PPP3CA: variants seen among roughly 807,000 people sequenced by gnomAD.
PPP3CA encodes the protein CAM-PRP catalytic subunit.
A neutral mutation model predicts 66.5 loss-of-function variants in PPP3CA; 14 were observed. The observed-to-expected ratio is 0.21, with a 90% CI of 0.14 to 0.33. The LOEUF (loss-of-function observed/expected upper bound fraction) is 0.33, where lower values mean the gene tolerates loss of function less well. Ranked by LOEUF, PPP3CA falls within the 10% of genes least tolerant of loss-of-function variation. The probability of loss-of-function intolerance (pLI) is 1.00; values close to 1 mark genes in which losing one functional copy is unlikely to be tolerated. For synonymous variants in PPP3CA, 232 were observed against 226.2 expected (o/e 1.03, Z -0.23); for missense variants, 317 against 639.5 (o/e 0.50, Z 5.44).
intron 2 of PPP3CA, among the ~76,000 whole-genome samples, chr4:101,131,237 A>AAAACAAATAAATAAAT (rs747123120): frequency 7.2e-6 from 1 of 138,672 alleles, no homozygotes; most frequent in African/African-American, 2.9e-5. Flanking sequence ...ACTCCGTCTC[A>AAAACAAATAAATAAAT]AAATAAATAA....
chr4:101,345,604 T>A (rs3789755), intron 1 of PPP3CA, among the ~76,000 whole-genome samples: 18,511 of 152,104 alleles, frequency 0.12, 3,665 homozygotes, highest in African/African-American at 0.41. Context: ...ATCCAAGTGG[T>A]TCTGCTCTGT....
intron 2 of PPP3CA, among the ~76,000 whole-genome samples, chr4:101,154,468 T>C (rs1300684198): frequency 1.3e-5 from 2 of 152,130 alleles, no homozygotes; most frequent in East Asian, 3.9e-4. Context: ...GTGGAAAGGG[T>C]GGGATAAAGA....
chr4:101,285,470 A>C lies in PPP3CA; in HGVS notation c.58+61269T>G, dbSNP rs1260096718. ...CTTGATACATGTTTTTGTACGGCTTAAAGAGTTCCCCCTTCTTATATCACA... is the reference window on the plus strand; with the variant it reads ...CTTGATACATGTTTTTGTACGGCTTCAAGAGTTCCCCCTTCTTATATCACA... On this transcript the variant is annotated intron_variant, in intron 1 of 13. Coordinates refer to ENST00000394854, the MANE Select transcript of PPP3CA (RefSeq NM_000944.5). 3.3e-5 allele frequency among the ~76,000 whole-genome samples: 5 copies of C among 152,302 alleles called. 1 individual carries two copies. Among genetic ancestry groups the C allele is most frequent in the Admixed American group, 3.3e-4 (5 of 15,300 alleles).
At chr4:101,233,476 C>A (rs966451206) in intron 1 of PPP3CA, among the ~76,000 whole-genome samples, 2 of 151,666 alleles carry the variant, frequency 1.3e-5, no homozygotes, top group African/African-American at 4.8e-5. Context: ...TTTCTTGTAG[C>A]AGTTCAGGAT....
chr4:101,160,781 G>A (rs1028004279), intron 2 of PPP3CA, among the ~76,000 whole-genome samples: 1 of 151,986 alleles, frequency 6.6e-6, no homozygotes, highest in Non-Finnish European at 1.5e-5. Context: ...ATGTTCTTTA[G>A]AATATGTATG....
chr4:101,162,528 AAAATAAATAAATAAAT>A (rs70961778), intron 2 of PPP3CA, among the ~76,000 whole-genome samples: 2 of 143,884 alleles, frequency 1.4e-5, no homozygotes, highest in African/African-American at 5.1e-5. Context: ...AGACTCCATC[AAAATAAATAAATAAAT>A]AAATAAATAA....
chr4:101,281,703 C>A (rs1282002051), intron 1 of PPP3CA, among the ~76,000 whole-genome samples: 1 of 152,136 alleles, frequency 6.6e-6, no homozygotes, highest in Non-Finnish European at 1.5e-5. Context: ...TCAACTAAGT[C>A]AATCGAATGT....
chr4:101,206,633 GAAT>G (rs1385023940), intron 1 of PPP3CA, among the ~76,000 whole-genome samples: 4 of 152,284 alleles, frequency 2.6e-5, no homozygotes, highest in African/African-American at 9.6e-5. Context: ...TCAAAAAACA[GAAT>G]AATTAAGTAC....
At chr4:101,235,017 T>A (rs1049707804) in intron 1 of PPP3CA, among the ~76,000 whole-genome samples, 1 of 151,698 alleles carries the variant, frequency 6.6e-6, no homozygotes, top group African/African-American at 2.4e-5. Flanking sequence ...ATTTCAATCA[T>A]ATATATATAC....
At chr4:101,135,210 A>G (rs2110286376) in intron 2 of PPP3CA, among the ~76,000 whole-genome samples, 1 of 150,398 alleles carries the variant, frequency 6.6e-6, no homozygotes, top group South Asian at 2.1e-4. Context: ...ACAGAACTTA[A>G]AGTATAATAA....
intron 2 of PPP3CA, among the ~76,000 whole-genome samples, chr4:101,137,797 A>T (rs1722670987): frequency 6.6e-6 from 1 of 152,028 alleles, no homozygotes; most frequent in Non-Finnish European, 1.5e-5. Context: ...GTGTCATAAG[A>T]AAGAGAGCAA....
intron 1 of PPP3CA, among the ~76,000 whole-genome samples, chr4:101,295,098 G>A (rs958400684): frequency 1.2e-4 from 18 of 150,810 alleles, no homozygotes; most frequent in African/African-American, 3.6e-4. Flanking sequence ...TCAGGAGATC[G>A]AGACCATCCT....
rs113990044 is a variant in PPP3CA at position 101,333,526 on chromosome 4, A to T, written c.58+13213T>A. On this transcript the variant is annotated intron_variant, in intron 1 of 13. Transcript: ENST00000394854. ...TCTATAATTAAAATCGTCCCTGTTG[A>T]TTGGAAAGCAAAGACTTATTGACAC... is the stretch of plus-strand genomic sequence containing the variant. Among the ~76,000 whole-genome samples, 16 of 152,088 alleles carry T rather than the reference A, an allele frequency of 1.1e-4. 1 individual carries two copies. Among genetic ancestry groups the T allele is most frequent in the African/African-American group, 3.6e-4 (15 of 41,516 alleles).
intron 11 of PPP3CA, among the ~76,000 whole-genome samples, chr4:101,036,207 T>C (rs1727241037): frequency 2.0e-5 from 3 of 152,256 alleles, no homozygotes; most frequent in Non-Finnish European, 4.4e-5. Flanking sequence ...CTTTAGTTTC[T>C]GTTTCTACCC....
intron 1 of PPP3CA, among the ~76,000 whole-genome samples, chr4:101,341,174 C>T (rs185394078): frequency 1.3e-5 from 2 of 149,356 alleles, no homozygotes; most frequent in Admixed American, 6.7e-5. Flanking sequence ...CTTAAATATA[C>T]CAAAAGAAGT....
intron 1 of PPP3CA, among the ~76,000 whole-genome samples, chr4:101,256,241 A>C (rs1388735163): frequency 6.6e-6 from 1 of 151,970 alleles, no homozygotes; most frequent in Non-Finnish European, 1.5e-5. Context: ...GAGTCTATAG[A>C]GTTAACTTTT....
intron 2 of PPP3CA, among the ~76,000 whole-genome samples, chr4:101,157,748 T>G (rs1361985961): frequency 6.6e-6 from 1 of 152,096 alleles, no homozygotes; most frequent in East Asian, 1.9e-4. Flanking sequence ...TTCTGCTCTT[T>G]TAAAGCTGCA....
intron 10 of PPP3CA, among the ~76,000 whole-genome samples, chr4:101,055,671 G>GT (rs1364501652): frequency 6.6e-6 from 1 of 152,118 alleles, no homozygotes; most frequent in Non-Finnish European, 1.5e-5. Flanking sequence ...CCAGAAGCCT[G>GT]TGTGAGCCAG....
rs551637326 is a variant in PPP3CA at position 101,100,247 on chromosome 4, GA to G, written c.385-526del. Among the ~76,000 whole-genome samples the G allele has an allele frequency of 8.6e-4, 131 of 152,098 alleles. 1 individual carries two copies. Among genetic ancestry groups the G allele is most frequent in the African/African-American group, 2.8e-3 (117 of 41,534 alleles). On this transcript the variant is annotated intron_variant, in intron 3 of 13. Transcript: ENST00000394854. Reference sequence around the variant, plus strand: ...AAGAAGGCAGGGAGCTAGAGATGGGGAAAAGTAATAGAAAATACAGACGCAG... The same window carrying G: ...AAGAAGGCAGGGAGCTAGAGATGGGGAAAGTAATAGAAAATACAGACGCAG...
Sources: gnomAD v4.1 joint callset for allele counts (sites outside exome capture counted in the v4.1 genomes callset) on GRCh38, gnomAD v4.1.1 for gene constraint, MANE v1.5 for transcripts, NCBI Gene and HGNC (gene_info 2026-07-23, HGNC 2026-07-21) for gene names.